PTBP1: variants seen among roughly 807,000 people sequenced by gnomAD.
PTBP1 encodes polypyrimidine tract binding protein 1.
In PTBP1, 8 loss-of-function variants were observed where a neutral mutation model predicts 59.8. That is an observed-to-expected ratio of 0.13 (90% CI 0.08 to 0.24). The LOEUF (loss-of-function observed/expected upper bound fraction) is 0.24. Among genes scored for constraint, PTBP1 ranks in the 10% least tolerant of loss-of-function variants. The pLI is 1.00. For missense variants in PTBP1, 686 were observed against 767.0 expected (o/e 0.89, Z 1.25); for synonymous variants, 490 against 320.7 (o/e 1.53, Z -5.64).
intron 3 of PTBP1, 119 bp downstream of exon 3, chr19:803,755 T>C: frequency 1.1e-6 from 1 of 952,312 alleles, no homozygotes; most frequent in Non-Finnish European, 1.6e-6. Context: ...TGGTCCACGC[T>C]ACAGACCCAG....
At chr19:801,814 G>A (rs73919851) in intron 2 of PTBP1, among the ~76,000 whole-genome samples, 2,133 of 152,252 alleles carry the variant, frequency 0.014, 47 homozygotes, top group African/African-American at 0.048. Flanking sequence ...CACCTGAGGC[G>A]GCTGGCTCTG....
Position 806,446 on chromosome 19 carries a change from C to T in PTBP1, c.1009C>T (p.Leu337=), listed in dbSNP as rs1407851933. 1.5e-5 allele frequency: 24 copies of T among 1,601,698 alleles called. No homozygotes were observed. Among genetic ancestry groups the T allele is most frequent in the Non-Finnish European group, 2.0e-5 (24 of 1,174,452 alleles). Reference sequence around the variant, plus strand: ...GAACGTCCACGGCGCCCTGGCCCCCCTGGCCATCCCCTCGGCGGCGGCGGC... The same window carrying T: ...GAACGTCCACGGCGCCCTGGCCCCCTTGGCCATCCCCTCGGCGGCGGCGGC... The part of the protein sequence containing the change: ...VPNVHGALAP[L]AIPSAAAAAA... The change falls in exon 10 of 15, where the codon CTG becomes TTG. Residue 337 remains leucine (L), a synonymous_variant. Transcript: ENST00000356948.
At chr19:804,250 G>C in intron 4 of PTBP1, 42 bp downstream of exon 4, 1 of 1,611,796 alleles carries the variant, frequency 6.2e-7, no homozygotes, top group Non-Finnish European at 8.5e-7. Context: ...CACCGTGCAG[G>C]CGGGGACGAG....
chr19:803,904 C>A, intron 3 of PTBP1, 132 bp from the exon 4 acceptor site: 1 of 1,102,208 alleles, frequency 9.1e-7, no homozygotes, highest in Non-Finnish European at 1.3e-6. Flanking sequence ...TCTCGCGCTG[C>A]TGGTTCACAT....
At chr19:810,455 GAA>G in intron 13 of PTBP1, 86 bp from the exon 14 acceptor site, 1 of 1,171,918 alleles carries the variant, frequency 8.5e-7, no homozygotes, top group Non-Finnish European at 1.2e-6. Flanking sequence ...CGGCTACTCT[GAA>G]AACTAGTCTG....
intron 1 of PTBP1, 91 bp from the exon 2 acceptor site, chr19:799,322 C>CCTACG (rs1568262063): frequency 1.7e-6 from 2 of 1,201,606 alleles, no homozygotes; most frequent in Admixed American, 3.4e-5. Context: ...GCTGCAGGGA[C>CCTACG]CTACGGGCTC....
At chr19:797,793 A>C (rs538273997) in intron 1 of PTBP1, among the ~76,000 whole-genome samples, 1,760 of 140,518 alleles carry the variant, frequency 0.013, 28 homozygotes, top group African/African-American at 0.043. Context: ...GCGTCCCCGC[A>C]CTTCGCCTTT....
chr19:806,324 G>A (rs2034572595), intron 9 of PTBP1, 84 bp from the exon 10 acceptor site: 1 of 1,413,560 alleles, frequency 7.1e-7, no homozygotes, highest in African/African-American at 1.5e-5. Flanking sequence ...GCTCCTCGGT[G>A]CATGAGGACG....
chr19:798,252 C>T (rs1190298824), intron 1 of PTBP1, among the ~76,000 whole-genome samples: 1 of 152,086 alleles, frequency 6.6e-6, no homozygotes, highest in African/African-American at 2.4e-5. Flanking sequence ...CTTCCCGGCT[C>T]TCGGGCCGGG....
At position 804,371 on chromosome 19, in the gene PTBP1, G is replaced by C. The variant is rs748820960; in HGVS notation, c.368G>C (p.Gly123Ala). The C allele has an allele frequency of 1.2e-5, 20 of 1,612,784 alleles. 1 individual carries two copies. The East Asian group carries it at 2.5e-4, about 20-fold the overall frequency. The change falls in exon 5 of 15, where the codon GGC becomes GCC. Residue 123 changes from glycine to alanine, a missense_variant. Gly to Ala is a moderately conservative substitution (Grantham distance 60). Transcript: ENST00000356948. ...YYTSVTPVLR[G>A]QPIYIQFSNH... ...ACCTCGGTGACCCCTGTGCTGCGCG[G>C]CCAGCCCATCTACATCCAGTTCTCC...
At position 807,851 on chromosome 19, in the gene PTBP1, G is replaced by A; in HGVS notation, c.1120-18G>A. On this transcript the variant is annotated intron_variant, in intron 10 of 14. Coordinates refer to ENST00000356948, the MANE Select transcript of PTBP1 (RefSeq NM_002819.5). ...CTCTCCCCTGTCCCTCCGCTGCCTT[G>A]CTCTGCTGTCTCTAAAGAGAGTCAC... 6.2e-7 allele frequency: 1 copy of A among 1,612,808 alleles called. No homozygotes were observed. Among genetic ancestry groups the A allele is most frequent in the Non-Finnish European group, 8.5e-7 (1 of 1,178,952 alleles).
Position 810,529 on chromosome 19 carries a change from T to G in PTBP1, c.1464-14T>G, listed in dbSNP as rs758805176. 1.9e-6 allele frequency: 3 copies of G among 1,611,520 alleles called. No individual in the cohort carries two copies. The highest frequency in any genetic ancestry group is 2.5e-6 in the Non-Finnish European group (3 of 1,179,152). Reference sequence around the variant, plus strand: ...CCCACGCGGCCCCAGGCTCACGCCTTTCTCCTCCCACAGGCCCTCAGTCTC... The same window carrying G: ...CCCACGCGGCCCCAGGCTCACGCCTGTCTCCTCCCACAGGCCCTCAGTCTC... On this transcript the variant is annotated splice_polypyrimidine_tract_variant and intron_variant, in intron 13 of 14. Transcript: ENST00000356948.
At chr19:801,890 G>C (rs72982140) in intron 2 of PTBP1, among the ~76,000 whole-genome samples, 1 of 152,184 alleles carries the variant, frequency 6.6e-6, no homozygotes, top group Non-Finnish European at 1.5e-5. Context: ...CTCTGAAAGC[G>C]AGAGGACTCG....
chr19:806,169 C>T, intron 9 of PTBP1: 1 of 441,792 alleles, frequency 2.3e-6, no homozygotes, highest in Non-Finnish European at 4.0e-6. Flanking sequence ...GGGGCGCATG[C>T]AGATGAGCCC....
intron 13 of PTBP1, among the ~76,000 whole-genome samples, chr19:809,389 T>A (rs943200448): frequency 6.6e-6 from 1 of 151,962 alleles, no homozygotes; most frequent in Non-Finnish European, 1.5e-5. Context: ...AGTGGCGGGA[T>A]CTCTGCAAGT....
At chr19:804,782 C>G in intron 6 of PTBP1, 47 bp from the exon 7 acceptor site, 1 of 1,607,740 alleles carries the variant, frequency 6.2e-7, no homozygotes. Context: ...CCTGGCAGGG[C>G]TGGTGGGCAC....
Position 806,213 on chromosome 19 carries a change from G to C in PTBP1, c.971-195G>C, listed in dbSNP as rs535399936. 470 of 530,198 alleles carry C rather than the reference G, an allele frequency of 8.9e-4. 8 individuals are homozygous for C. In the East Asian group the frequency reaches 0.016, roughly 18 times the overall value. The allele number at this position is 530,198 out of a possible 1,614,324, so 32.8% of individuals were successfully genotyped here. ...CCCGGCCCGTGCTGTGAGGAGAGGC[G>C]GGCGCTGGTGCAGGAGCCGGCGGGT... On this transcript the variant is annotated intron_variant, in intron 9 of 14. Coordinates refer to ENST00000356948, the MANE Select transcript of PTBP1 (RefSeq NM_002819.5).
At chr19:805,886 T>A (rs2034540933) in intron 9 of PTBP1, 2 of 393,610 alleles carry the variant, frequency 5.1e-6, no homozygotes, top group Non-Finnish European at 9.4e-6. Flanking sequence ...CTCTAGTAGT[T>A]GAATTTGAGT....
intron 2 of PTBP1, among the ~76,000 whole-genome samples, chr19:800,530 C>T (rs750102578): frequency 3.3e-5 from 5 of 152,152 alleles, no homozygotes; most frequent in Admixed American, 2.6e-4. Flanking sequence ...GGGCTTGTGC[C>T]CCGAGAGCCT....
Sources: allele counts gnomAD v4.1 joint callset (sites outside exome capture counted in the v4.1 genomes callset), GRCh38; gene constraint gnomAD v4.1.1; transcripts MANE v1.5; gene names NCBI Gene and HGNC (gene_info 2026-07-23, HGNC 2026-07-21).